The following TLE1 variants were observed in gnomAD, a reference collection of about 807,000 sequenced individuals.
TLE1 encodes the protein transducin-like enhancer protein 1.
In TLE1, 21 loss-of-function variants were observed where a neutral mutation model predicts 89.8. That is an observed-to-expected ratio of 0.23 (90% CI 0.17 to 0.34). The LOEUF (loss-of-function observed/expected upper bound fraction) is 0.34, where lower values mean the gene tolerates loss of function less well. Among genes scored for constraint, TLE1 ranks in the 10% least tolerant of loss-of-function variants. The probability of loss-of-function intolerance (pLI) is 1.00; values close to 1 mark genes in which losing one functional copy is unlikely to be tolerated. For missense variants in TLE1, 795 were observed against 1,031.2 expected, an observed-to-expected ratio of 0.77 and a Z score of 3.14; for synonymous variants, 447 against 407.6, an observed-to-expected ratio of 1.10 and a Z score of -1.16.
intron 2 of TLE1, among the ~76,000 whole-genome samples, chr9:81,686,144 T>G (rs896297603): frequency 5.3e-5 from 8 of 152,288 alleles, no homozygotes; most frequent in African/African-American, 1.9e-4. Flanking sequence ...ATGAAAAAAA[T>G]CTGTCAGAAC....
rs1819084641 is a variant in TLE1 at position 81,584,093 on chromosome 9, G to A, written c.*105C>T. 1.0e-6 allele frequency: 1 copy of A among 978,810 alleles called. No individual in the cohort carries two copies. Among genetic ancestry groups the A allele is most frequent in the East Asian group, 2.5e-5 (1 of 40,324 alleles). The allele number at this position is 978,810 out of a possible 1,614,324, so 60.6% of individuals were successfully genotyped here. On this transcript the variant is annotated 3_prime_UTR_variant, in exon 20 of 20. Transcript: ENST00000376499. The stretch of plus-strand genomic sequence containing the variant: ...GTTTTCTGTCAAGGTTTGGAAACAG[G>A]TGTTTGTAATTTTTTTTCTCTTTTA...
chr9:81,585,434 C>A, intron 18 of TLE1, 71 bp downstream of exon 18: 1 of 1,564,818 alleles, frequency 6.4e-7, no homozygotes. Flanking sequence ...ATGATCTCTA[C>A]CATATTTTTT....
chr9:81,633,314 T>TGG, intron 8 of TLE1, 34 bp downstream of exon 8: 2 of 1,416,298 alleles, frequency 1.4e-6, no homozygotes, highest in Non-Finnish European at 1.9e-6. Flanking sequence ...TGTGTGTGTG[T>TGG]GTGTGTGTGT....
rs1196023394 is a variant in TLE1 at position 81,688,127 on chromosome 9, G to A, written c.24+90C>T. 36 of 1,525,598 alleles carry A rather than the reference G, an allele frequency of 2.4e-5. 1 individual carries two copies. Among genetic ancestry groups the A allele is most frequent in the African/African-American group, 1.4e-4 (10 of 71,688 alleles). 94.5% of individuals were successfully genotyped at this position (1,525,598 alleles called of 1,614,324 possible). A position where few individuals can be genotyped will look rare whatever the true frequency, so the allele number is the denominator to read the frequency against. ...ACCGCTGAGGGCGAGAAGGTCCGCC[G>A]GGCCTCAGAAGCCACCAGTCTCCCT... On this transcript the variant is annotated intron_variant, in intron 1 of 19. Transcript: ENST00000376499.
At chr9:81,663,789 G>A (rs975961426) in intron 4 of TLE1, among the ~76,000 whole-genome samples, 4 of 151,926 alleles carry the variant, frequency 2.6e-5, no homozygotes, top group Admixed American at 2.6e-4. Context: ...ACCACGCCCG[G>A]CTAATTTTTG....
chr9:81,628,734 G>T (rs960917951), intron 8 of TLE1, among the ~76,000 whole-genome samples: 1 of 146,758 alleles, frequency 6.8e-6, no homozygotes, highest in East Asian at 1.9e-4. Context: ...CAACATGGTC[G>T]CTCAGATTAC....
At chr9:81,635,312 A>C (rs2132383394) in intron 6 of TLE1, among the ~76,000 whole-genome samples, 2 of 152,282 alleles carry the variant, frequency 1.3e-5, no homozygotes, top group South Asian at 4.1e-4. Context: ...TGAGGAAAGC[A>C]CTTATGTGTG....
At chr9:81,612,226 G>A in intron 12 of TLE1, 2 of 910,698 alleles carry the variant, frequency 2.2e-6, no homozygotes, top group Non-Finnish European at 2.8e-6. Flanking sequence ...GGAAGCCAGG[G>A]GAATTAAGAG....
At chr9:81,642,627 G>A (rs1294343908) in intron 6 of TLE1, among the ~76,000 whole-genome samples, 1 of 152,082 alleles carries the variant, frequency 6.6e-6, no homozygotes, top group African/African-American at 2.4e-5. Flanking sequence ...CCAAGAGATA[G>A]AGGTTGCAGT....
Position 81,652,270 on chromosome 9 carries a change from G to T in TLE1, c.316C>A (p.Gln106Lys), listed in dbSNP as rs1829653815. 1 of 1,613,900 alleles carries T rather than the reference G, an allele frequency of 6.2e-7. No individual in the cohort carries two copies. Among genetic ancestry groups the T allele is most frequent in the African/African-American group, 1.3e-5 (1 of 75,006 alleles). Residue 106 changes from glutamine to lysine, a missense_variant, in exon 6 of 20, where the codon CAG becomes AAG. This residue lies in a region of TLE1 where 66 missense variants were observed against 118.7 expected (regional missense o/e 0.56). Coordinates refer to ENST00000376499, the MANE Select transcript of TLE1 (RefSeq NM_005077.5). ...LSQEHQQQVA[Q>K]AVERAKQVTM... ...ACCTGTTTGGCACGTTCAACAGCCT[G>T]GGCCACCTGTTGTTGATGCTTTGAA...
At chr9:81,616,597 CATT>C in intron 10 of TLE1, 46 bp downstream of exon 10, 1 of 1,599,040 alleles carries the variant, frequency 6.3e-7, no homozygotes, top group Non-Finnish European at 8.6e-7. Flanking sequence ...TTTTTCATAA[CATT>C]ATTCAAATCA....
In TLE1 at chr9:81,654,039, A is replaced by G. The variant is rs774583011; in HGVS notation, c.235-3T>C. The stretch of plus-strand genomic sequence containing the variant: ...TTCAATCTCTTGGCGATTTCAGTCT[A>G]TAAAGACAAAGCCACACAAATGTTT... On this transcript the variant is annotated splice_region_variant and splice_polypyrimidine_tract_variant and intron_variant, in intron 4 of 19. Transcript: ENST00000376499. 3 of 1,613,936 alleles carry G rather than the reference A, an allele frequency of 1.9e-6. No homozygotes were observed. Among genetic ancestry groups the G allele is most frequent in the Admixed American group, 1.7e-5 (1 of 60,032 alleles).
intron 14 of TLE1, among the ~76,000 whole-genome samples, chr9:81,602,627 A>G (rs1375131344): frequency 1.3e-5 from 2 of 152,016 alleles, no homozygotes; most frequent in Non-Finnish European, 2.9e-5. Context: ...ATTTTGAAGC[A>G]TTTTGGATTT....
chr9:81,593,808 G>A (rs1266806313), intron 14 of TLE1, among the ~76,000 whole-genome samples: 1 of 152,136 alleles, frequency 6.6e-6, no homozygotes. Flanking sequence ...TCTTGCTTAA[G>A]GAAGAGAAAA....
chr9:81,641,670 T>C (rs1828137858), intron 6 of TLE1, among the ~76,000 whole-genome samples: 2 of 152,040 alleles, frequency 1.3e-5, no homozygotes, highest in Non-Finnish European at 2.9e-5. Flanking sequence ...CCAACAGATA[T>C]ACAAAAAAAT....
intron 17 of TLE1, among the ~76,000 whole-genome samples, chr9:81,586,163 G>A (rs377219280): frequency 1.3e-5 from 2 of 151,884 alleles, no homozygotes; most frequent in East Asian, 1.9e-4. Context: ...GACTACAGGC[G>A]CCCACCACCA....
chr9:81,656,374 A>G (rs1211176027), intron 4 of TLE1, among the ~76,000 whole-genome samples: 1 of 152,184 alleles, frequency 6.6e-6, no homozygotes, highest in East Asian at 1.9e-4. Context: ...CTCCCTACCT[A>G]CCACACATTC....
In TLE1 at chr9:81,673,363, A is replaced by C. The variant is rs1247742364; in HGVS notation, c.234+12313T>G. ...TAAAGATAAATGCTTATGATCTTAGAAGGAAAGAAATAAAACACGGTAATG... is the reference window on the plus strand; with the variant it reads ...TAAAGATAAATGCTTATGATCTTAGCAGGAAAGAAATAAAACACGGTAATG... On this transcript the variant is annotated intron_variant, in intron 4 of 19. Transcript: ENST00000376499. Among the ~76,000 whole-genome samples, 3 of 150,958 alleles carry C rather than the reference A, an allele frequency of 2.0e-5. No homozygotes were observed. In the South Asian group the frequency reaches 6.3e-4, roughly 32 times the overall value.
In TLE1 at chr9:81,688,296, T is replaced by C; in HGVS notation, c.-56A>G. ...CGGCAACTCAATTCTCCGGTCAATT[T>C]CCAACTTTAATCCCGCCGAGGAAAA... On this transcript the variant is annotated 5_prime_UTR_variant, in exon 1 of 20. Coordinates refer to ENST00000376499, the MANE Select transcript of TLE1 (RefSeq NM_005077.5). 6.6e-7 allele frequency: 1 copy of C among 1,506,336 alleles called. No individual in the cohort carries two copies. Among genetic ancestry groups the C allele is most frequent in the Non-Finnish European group, 8.8e-7 (1 of 1,130,696 alleles). The allele number at this position is 1,506,336 out of a possible 1,614,324, so 93.3% of individuals were successfully genotyped here. A position where few individuals can be genotyped will look rare whatever the true frequency, so the allele number is the denominator to read the frequency against.
Sources: gnomAD v4.1 joint callset for allele counts (sites outside exome capture counted in the v4.1 genomes callset) on GRCh38, gnomAD v4.1.1 for gene constraint, gnomAD v4.1.1 regional missense constraint, MANE v1.5 for transcripts, NCBI Gene and HGNC (gene_info 2026-07-23, HGNC 2026-07-21) for gene names.